Variants in ARHGEF16 observed in about 807,000 individuals in gnomAD.
ARHGEF16 encodes Rho guanine exchange factor (GEF) 16.
In ARHGEF16, 59 loss-of-function variants were observed where a neutral mutation model predicts 74.1. That is an observed-to-expected ratio of 0.80 (90% CI 0.65 to 0.99). ARHGEF16 has a LOEUF of 0.99. ARHGEF16 is among the 50% of genes least tolerant of loss of function. The pLI is 0.00. For synonymous variants in ARHGEF16, 415 were observed against 412.6 expected (o/e 1.01, Z -0.07); for missense variants, 948 against 986.6 (o/e 0.96, Z 0.52).
chr1:3,463,499 A>G lies in ARHGEF16; in HGVS notation c.415A>G (p.Lys139Glu). The G allele has an allele frequency of 6.6e-7, 1 of 1,507,250 alleles. No individual in the cohort carries two copies. The highest frequency in any genetic ancestry group is 8.9e-7 in the Non-Finnish European group (1 of 1,125,178). 93.4% of individuals were successfully genotyped at this position (1,507,250 alleles called of 1,614,324 possible). A position where few individuals can be genotyped will look rare whatever the true frequency, so the allele number is the denominator to read the frequency against. ...SFSLDDMDVDKDPGGMLRRNL... is the reference protein window; with the variant it reads ...SFSLDDMDVDEDPGGMLRRNL... Reference sequence around the variant, plus strand: ...CTCCCTGGATGACATGGACGTGGACAAGGACCCCGGGGGCATGCTGAGGCG... The same window carrying G: ...CTCCCTGGATGACATGGACGTGGACGAGGACCCCGGGGGCATGCTGAGGCG... Residue 139 changes from lysine (K) to glutamate (E), a missense_variant, in exon 2 of 15, where the codon AAG (lysine) becomes GAG (glutamate). Physicochemically the swap from Lys to Glu is moderately conservative, Grantham distance 56. Coordinates refer to ENST00000378378, the MANE Select transcript of ARHGEF16 (RefSeq NM_014448.4).
chr1:3,461,278 T>C (rs984748768), intron 1 of ARHGEF16, among the ~76,000 whole-genome samples: 2 of 152,256 alleles, frequency 1.3e-5, no homozygotes, highest in African/African-American at 4.8e-5. Flanking sequence ...TGAGCTTGTC[T>C]GTGATTCGGC....
At position 3,463,609 on chromosome 1, in the gene ARHGEF16, T is replaced by G. The variant is rs1398259090; in HGVS notation, c.525T>G (p.Pro175=). Reference sequence around the variant, plus strand: ...AGGGAGATGCCATCCAGCTAAGCCCTAAGCTCCAGGCTCTGGCTGAGGAAC... The same window carrying G: ...AGGGAGATGCCATCCAGCTAAGCCCGAAGCTCCAGGCTCTGGCTGAGGAAC... The part of the protein sequence containing the change: ...GGQGDAIQLS[P]KLQALAEEPS... Residue 175 remains proline (P), a synonymous_variant, in exon 2 of 15, where the codon CCT becomes CCG. Transcript: ENST00000378378. 6.9e-7 allele frequency: 1 copy of G among 1,440,952 alleles called. No individual in the cohort carries two copies. The highest frequency in any genetic ancestry group is 2.5e-5 in the East Asian group (1 of 39,754). The allele number at this position is 1,440,952 out of a possible 1,614,324, so 89.3% of individuals were successfully genotyped here.
In ARHGEF16 at chr1:3,463,792, A is replaced by G. The variant is rs983212993; in HGVS notation, c.588+120A>G. On this transcript the variant is annotated intron_variant, in intron 2 of 14. Coordinates refer to ENST00000378378, the MANE Select transcript of ARHGEF16 (RefSeq NM_014448.4). ...GCTGCCGTTAGTAAGCACCTGCTGC[A>G]TGAGGGCTCTCGACTGGTTTATTCC... 3 of 824,526 alleles carry G rather than the reference A, an allele frequency of 3.6e-6. No individual in the cohort carries two copies. The Admixed American group carries it at 1.1e-4, about 29-fold the overall frequency. The allele number at this position is 824,526 out of a possible 1,614,324, so 51.1% of individuals were successfully genotyped here. A position where few individuals can be genotyped will look rare whatever the true frequency, so the allele number is the denominator to read the frequency against.
intron 4 of ARHGEF16, among the ~76,000 whole-genome samples, chr1:3,468,137 G>T (rs1446283342): frequency 6.6e-6 from 1 of 152,200 alleles, no homozygotes; most frequent in Admixed American, 6.5e-5. Flanking sequence ...GGGGCGTGTG[G>T]TCTCCCTCTG....
Position 3,473,723 on chromosome 1 carries a change from C to G in ARHGEF16, c.1305+201C>G. The stretch of plus-strand genomic sequence containing the variant: ...CCGCCACCCACAGAGCTCACTGTGC[C>G]GGGAACTGTTCCAGCCCTTGGCGGA... On this transcript the variant is annotated intron_variant, in intron 8 of 14. Transcript: ENST00000378378. 3 of 867,644 alleles carry G rather than the reference C, an allele frequency of 3.5e-6. No homozygotes were observed. The South Asian group carries it at 5.2e-5, about 15-fold the overall frequency. The allele number at this position is 867,644 out of a possible 1,614,324, so 53.7% of individuals were successfully genotyped here.
intron 4 of ARHGEF16, chr1:3,468,653 G>A (rs1639615800): frequency 3.5e-6 from 2 of 568,844 alleles, no homozygotes; most frequent in South Asian, 2.0e-5. Flanking sequence ...TTGGGGCTCT[G>A]GCGGCTGGGG....
intron 1 of ARHGEF16, among the ~76,000 whole-genome samples, chr1:3,458,044 T>C (rs1157600827): frequency 6.6e-6 from 1 of 152,118 alleles, no homozygotes; most frequent in East Asian, 1.9e-4. Flanking sequence ...CCCTTGCAAG[T>C]TGGTTCTTGG....
At chr1:3,470,193 C>G (rs984757812) in intron 6 of ARHGEF16, among the ~76,000 whole-genome samples, 1 of 146,232 alleles carries the variant, frequency 6.8e-6, no homozygotes, top group African/African-American at 2.6e-5. Context: ...GGGCTGGCCC[C>G]GAGGCCTGGA....
Position 3,463,421 on chromosome 1 carries a change from C to A in ARHGEF16, c.337C>A (p.Leu113Ile). 1 of 1,548,924 alleles carries A rather than the reference C, an allele frequency of 6.5e-7. No individual in the cohort carries two copies. Among genetic ancestry groups the A allele is most frequent in the Non-Finnish European group, 8.7e-7 (1 of 1,146,176 alleles). Residue 113 changes from leucine (L) to isoleucine (I), a missense_variant, in exon 2 of 15, where the codon CTT becomes ATT. Transcript: ENST00000378378. Reference sequence around the variant, plus strand: ...CCACCAGAGCTTCGGGGCGGCTGTACTTAGCAGGGAGGCCGCCCGGCGGGA... The same window carrying A: ...CCACCAGAGCTTCGGGGCGGCTGTAATTAGCAGGGAGGCCGCCCGGCGGGA... ...ARHQSFGAAV[L>I]SREAARRDPK...
intron 10 of ARHGEF16, among the ~76,000 whole-genome samples, chr1:3,476,348 G>A (rs1210403705): frequency 6.6e-6 from 1 of 152,154 alleles, no homozygotes; most frequent in African/African-American, 2.4e-5. Flanking sequence ...TAGACCCTAG[G>A]CCCTGAGTGA....
At position 3,463,740 on chromosome 1, in the gene ARHGEF16, A is replaced by G. The variant is rs1024456332; in HGVS notation, c.588+68A>G. The stretch of plus-strand genomic sequence containing the variant: ...GCAGAGGGGCGGCCTGGCCGTCTCC[A>G]CCACCGTCATCTTCTGCATCATGGC... On this transcript the variant is annotated intron_variant, in intron 2 of 14. Coordinates refer to ENST00000378378, the MANE Select transcript of ARHGEF16 (RefSeq NM_014448.4). 2.4e-6 allele frequency: 3 copies of G among 1,263,724 alleles called. No individual in the cohort carries two copies. The African/African-American group carries it at 4.5e-5, about 19-fold the overall frequency. 78.3% of individuals were successfully genotyped at this position (1,263,724 alleles called of 1,614,324 possible).
In ARHGEF16 at chr1:3,473,680, A is replaced by G. The variant is rs766358197; in HGVS notation, c.1305+158A>G. The stretch of plus-strand genomic sequence containing the variant: ...CGATCCTAAGATGGCTTTATTAACC[A>G]GGATAACTTTGTGGTCGCCGCCACC... On this transcript the variant is annotated intron_variant, in intron 8 of 14. Transcript: ENST00000378378. The G allele has an allele frequency of 1.0e-5, 13 of 1,255,108 alleles. No homozygotes were observed. In the Admixed American group the frequency reaches 2.3e-4, roughly 23 times the overall value. 77.7% of individuals were successfully genotyped at this position (1,255,108 alleles called of 1,614,324 possible).
At chr1:3,466,843 T>G (rs1569852102) in intron 3 of ARHGEF16, 2 of 251,828 alleles carry the variant, frequency 7.9e-6, no homozygotes, top group Non-Finnish European at 1.5e-5. Context: ...CAGGAGGGGG[T>G]ACCCAGGTCT....
chr1:3,468,813 G>A, intron 4 of ARHGEF16, 67 bp from the exon 5 acceptor site: 1 of 1,534,960 alleles, frequency 6.5e-7, no homozygotes, highest in Non-Finnish European at 8.8e-7. Flanking sequence ...GAGGAGGAAA[G>A]AAGGGAGACT....
intron 6 of ARHGEF16, among the ~76,000 whole-genome samples, chr1:3,469,795 G>T (rs1292715390): frequency 1.3e-5 from 2 of 152,202 alleles, no homozygotes; most frequent in Non-Finnish European, 2.9e-5. Context: ...CCAGGGCCGG[G>T]CTAAGCACTG....
Position 3,463,456 on chromosome 1 carries a change from C to T in ARHGEF16, c.372C>T (p.Leu124=). Residue 124 remains leucine (L), a synonymous_variant, in exon 2 of 15, where the codon CTC becomes CTT. Coordinates refer to ENST00000378378, the MANE Select transcript of ARHGEF16 (RefSeq NM_014448.4). ...AGGCCGCCCGGCGGGACCCTAAGCT[C>T]CTCCCAGCCCCCAGCTTCTCCCTGG... ...SREAARRDPK[L]LPAPSFSLDD... 1 of 1,537,228 alleles carries T rather than the reference C, an allele frequency of 6.5e-7. No homozygotes were observed. The highest frequency in any genetic ancestry group is 8.8e-7 in the Non-Finnish European group (1 of 1,140,006).
rs570492416 is a variant in ARHGEF16, at chr1:3,480,794, G to C, written c.*207G>C. 2 of 700,622 alleles carry C rather than the reference G, an allele frequency of 2.9e-6. No homozygotes were observed. The highest frequency in any genetic ancestry group is 2.8e-5 in the East Asian group (1 of 35,642). 43.4% of individuals were successfully genotyped at this position (700,622 alleles called of 1,614,324 possible). A position where few individuals can be genotyped will look rare whatever the true frequency, so the allele number is the denominator to read the frequency against. On this transcript the variant is annotated 3_prime_UTR_variant, in exon 15 of 15. Transcript: ENST00000378378. The stretch of plus-strand genomic sequence containing the variant: ...CAGAGAGGCACCCCCAGGCAAGCTC[G>C]AGGGGGCCACACCGTGTCCCAGGGA...
chr1:3,478,474 T>A lies in ARHGEF16; in HGVS notation c.1676T>A (p.Val559Glu), dbSNP rs201085717. The A allele has an allele frequency of 1.1e-5, 17 of 1,612,314 alleles. No individual in the cohort carries two copies. In the East Asian group the frequency reaches 3.6e-4, roughly 34 times the overall value. ...TACGCCCAGATGAACCACATCCAGG[T>A]GGAGAAGATAGAGCCGTCTGAGCTC... The part of the protein sequence containing the change: ...QDYAQMNHIQ[V>E]EKIEPSELPL... Residue 559 changes from valine (V) to glutamate (E), a missense_variant, in exon 12 of 15, where the codon GTG (valine) becomes GAG (glutamate). By Grantham distance (121) the Val-to-Glu change is moderately radical (BLOSUM62 -2). Coordinates refer to ENST00000378378, the MANE Select transcript of ARHGEF16 (RefSeq NM_014448.4).
chr1:3,476,127 C>A (rs956068183), intron 10 of ARHGEF16, 65 bp downstream of exon 10: 4 of 1,479,062 alleles, frequency 2.7e-6, no homozygotes, highest in Non-Finnish European at 3.7e-6. Context: ...TGCTGGCCTG[C>A]GTGTGAGGTC....
Sources: gnomAD v4.1 joint callset for allele counts (sites outside exome capture counted in the v4.1 genomes callset) on GRCh38, gnomAD v4.1.1 for gene constraint, MANE v1.5 for transcripts, NCBI Gene and HGNC (gene_info 2026-07-23, HGNC 2026-07-21) for gene names.